The following MICALL2 variants were observed in gnomAD, a reference collection of about 807,000 sequenced individuals.
MICALL2 encodes MICAL-like protein 2.
A neutral mutation model predicts 91.1 loss-of-function variants in MICALL2; 111 were observed. The observed-to-expected ratio is 1.22, with a 90% CI of 1.04 to 1.43. The LOEUF (loss-of-function observed/expected upper bound fraction) is 1.43. Ranked by LOEUF, MICALL2 falls within the 40% of genes most tolerant of loss-of-function variation. The pLI is 0.00. For missense variants in MICALL2, 1,556 were observed against 1,236.0 expected, an observed-to-expected ratio of 1.26 and a Z score of -3.88; for synonymous variants, 694 against 525.3, an observed-to-expected ratio of 1.32 and a Z score of -4.39.
Position 1,444,688 on chromosome 7 carries a change from G to T in MICALL2, c.1382C>A (p.Ser461Ter). Reference sequence around the variant, plus strand: ...CGGAGCGCCAGCCTCTTCCAGCGCTGAGAGGGCCTGCTTGAGGAAGTTCCG... The same window carrying T: ...CGGAGCGCCAGCCTCTTCCAGCGCTTAGAGGGCCTGCTTGAGGAAGTTCCG... Reference protein sequence around the residue: ...QARNFLKQALSALEEAGAPAP... With the variant: ...QARNFLKQAL Residue 461 changes from serine (S) to a stop codon, truncating the protein, a stop_gained, in exon 6 of 17, where the codon TCA becomes TAA. Coordinates refer to ENST00000297508, the MANE Select transcript of MICALL2 (RefSeq NM_182924.4). LOFTEE classifies it high-confidence loss of function. 6.2e-7 allele frequency: 1 copy of T among 1,612,020 alleles called. No individual in the cohort carries two copies.
At chr7:1,450,733 C>T (rs1012649038) in intron 1 of MICALL2, among the ~76,000 whole-genome samples, 5 of 152,222 alleles carry the variant, frequency 3.3e-5, no homozygotes, top group African/African-American at 1.2e-4. Flanking sequence ...GAGAGGCTCC[C>T]AGGGCAGGGG....
chr7:1,449,807 G>T (rs1780754975), intron 2 of MICALL2, among the ~76,000 whole-genome samples: 1 of 152,254 alleles, frequency 6.6e-6, no homozygotes, highest in African/African-American at 2.4e-5. Flanking sequence ...GGAAGCTGGG[G>T]TGAGCAGGGC....
chr7:1,439,841 C>T (rs772892864), intron 9 of MICALL2, 84 bp downstream of exon 9: 7 of 1,224,458 alleles, frequency 5.7e-6, no homozygotes, highest in Non-Finnish European at 7.5e-6. Context: ...GGAGGTGGCA[C>T]TACAGGTCCA....
At chr7:1,450,567 T>C (rs924998552) in intron 1 of MICALL2, 5 of 407,172 alleles carry the variant, frequency 1.2e-5, no homozygotes, top group Admixed American at 1.1e-4. Flanking sequence ...CCTGCCACAG[T>C]CAGAGGTGGC....
Position 1,440,390 on chromosome 7 carries a change from C to T in MICALL2, c.1805+201G>A, listed in dbSNP as rs560510973. On this transcript the variant is annotated intron_variant, in intron 8 of 16. Coordinates refer to ENST00000297508, the MANE Select transcript of MICALL2 (RefSeq NM_182924.4). The stretch of plus-strand genomic sequence containing the variant: ...GAACCCACACGGGTGCTGCCATGCC[C>T]AGGTGAGACACGCAACGCTGCCCCC... 1.9e-5 allele frequency: 12 copies of T among 638,918 alleles called. No individual in the cohort carries two copies. The Admixed American group carries it at 2.1e-4, about 11-fold the overall frequency. The allele number at this position is 638,918 out of a possible 1,614,324, so 39.6% of individuals were successfully genotyped here.
chr7:1,444,519 G>T, intron 6 of MICALL2, 133 bp downstream of exon 6: 1 of 888,082 alleles, frequency 1.1e-6, no homozygotes, highest in Non-Finnish European at 1.7e-6. Flanking sequence ...GAAGGAAACA[G>T]GCTGGGGGAA....
At chr7:1,435,783 G>A (rs144038990) in intron 15 of MICALL2, among the ~76,000 whole-genome samples, 3,596 of 152,308 alleles carry the variant, frequency 0.024, 139 homozygotes, top group African/African-American at 0.077. Flanking sequence ...GGCCGGGCAC[G>A]GTGGCTCACA....
intron 8 of MICALL2, chr7:1,440,338 T>G (rs1406581958): frequency 1.6e-6 from 1 of 619,458 alleles, no homozygotes; most frequent in African/African-American, 1.8e-5. Flanking sequence ...ATGGGGAGAC[T>G]CCACCCCAGC....
Position 1,452,908 on chromosome 7 carries a change from G to C in MICALL2, c.144-2620C>G, listed in dbSNP as rs56827741. ...TGCCCCAAGCTCCTTCCCCAGGGCC[G>C]GCCCTCCAGCCTCCAGACCATGGCT... On this transcript the variant is annotated intron_variant, in intron 1 of 16. Coordinates refer to ENST00000297508, the MANE Select transcript of MICALL2 (RefSeq NM_182924.4). The surrounding 1 kb of genome is among the most constrained non-coding windows in gnomAD (Gnocchi z 6.2). Among the ~76,000 whole-genome samples, 1 of 151,972 alleles carries C rather than the reference G, an allele frequency of 6.6e-6. No individual in the cohort carries two copies. Among genetic ancestry groups the C allele is most frequent in the African/African-American group, 2.4e-5 (1 of 41,362 alleles).
chr7:1,445,431 G>A lies in MICALL2; in HGVS notation c.642-3C>T. 1 of 1,526,554 alleles carries A rather than the reference G, an allele frequency of 6.6e-7. No individual in the cohort carries two copies. Among genetic ancestry groups the A allele is most frequent in the East Asian group, 2.4e-5 (1 of 40,834 alleles). The allele number at this position is 1,526,554 out of a possible 1,614,324, so 94.6% of individuals were successfully genotyped here. A position where few individuals can be genotyped will look rare whatever the true frequency, so the allele number is the denominator to read the frequency against. ...GCGTGCAGGAGCACTGCTTACACCT[G>A]GGGGAGGAAAGGCACAGGAGCCCCA... On this transcript the variant is annotated splice_polypyrimidine_tract_variant and splice_region_variant and intron_variant, in intron 5 of 16. Transcript: ENST00000297508.
intron 13 of MICALL2, 54 bp downstream of exon 13, chr7:1,437,836 C>G: frequency 6.7e-7 from 1 of 1,497,482 alleles, no homozygotes; most frequent in Non-Finnish European, 9.1e-7. Context: ...CTGGCCTGCC[C>G]AGCCCGCAAC....
At chr7:1,438,265 G>C in intron 11 of MICALL2, 24 bp downstream of exon 11, 1 of 1,587,892 alleles carries the variant, frequency 6.3e-7, no homozygotes, top group Non-Finnish European at 8.6e-7. Context: ...CTGGGCCCCT[G>C]CCCGGCTCCC....
At chr7:1,447,863 C>T in intron 3 of MICALL2, 98 bp from the exon 4 acceptor site, 1 of 964,474 alleles carries the variant, frequency 1.0e-6, no homozygotes, top group Non-Finnish European at 1.4e-6. Flanking sequence ...GCCTTGGTGC[C>T]CGGGGGGGAC....
intron 15 of MICALL2, 47 bp from the exon 16 acceptor site, chr7:1,435,194 TGCCCTGGA>T: frequency 6.2e-7 from 1 of 1,604,588 alleles, no homozygotes; most frequent in Non-Finnish European, 8.5e-7. Context: ...AATGGCAAGG[TGCCCTGGA>T]GGGGCCTCCG....
chr7:1,449,276 G>T (rs184367334), intron 2 of MICALL2, among the ~76,000 whole-genome samples: 1 of 152,208 alleles, frequency 6.6e-6, no homozygotes, highest in African/African-American at 2.4e-5. Context: ...AAGTGTGGCC[G>T]GCACACTTGA....
At chr7:1,436,450 A>T (rs1266613563) in intron 15 of MICALL2, among the ~76,000 whole-genome samples, 2 of 149,244 alleles carry the variant, frequency 1.3e-5, no homozygotes, top group Non-Finnish European at 3.0e-5. Flanking sequence ...CTACTCGAGA[A>T]GCTGAGGCAA....
At position 1,434,387 on chromosome 7, in the gene MICALL2, T is replaced by G; in HGVS notation, c.*209A>C. ...GGGGCCATGTGGTCGGTTTCTTTAT[T>G]GAGACCACAGACGGTAGCGCAGGTC... On this transcript the variant is annotated 3_prime_UTR_variant, in exon 17 of 17. Coordinates refer to ENST00000297508, the MANE Select transcript of MICALL2 (RefSeq NM_182924.4). 1.5e-6 allele frequency: 1 copy of G among 681,530 alleles called. No individual in the cohort carries two copies. 42.2% of individuals were successfully genotyped at this position (681,530 alleles called of 1,614,324 possible). A position where few individuals can be genotyped will look rare whatever the true frequency, so the allele number is the denominator to read the frequency against.
At position 1,438,639 on chromosome 7, in the gene MICALL2, C is replaced by A. The variant is rs966516400; in HGVS notation, c.2122+201G>T. The A allele has an allele frequency of 1.8e-5, 25 of 1,422,698 alleles. No homozygotes were observed. In the African/African-American group the frequency reaches 3.3e-4, roughly 19 times the overall value. The allele number at this position is 1,422,698 out of a possible 1,614,324, so 88.1% of individuals were successfully genotyped here. ...CAGACATTCCATCATCACCATGAGT[C>A]TGTAACAAGGTACTCTGAAACAGCT... On this transcript the variant is annotated intron_variant, in intron 10 of 16. Transcript: ENST00000297508.
At position 1,434,399 on chromosome 7, in the gene MICALL2, C is replaced by T. The variant is rs369606924; in HGVS notation, c.*197G>A. ...TCGGTTTCTTTATTGAGACCACAGACGGTAGCGCAGGTCCCTGCTGTCCAC... is the reference window on the plus strand; with the variant it reads ...TCGGTTTCTTTATTGAGACCACAGATGGTAGCGCAGGTCCCTGCTGTCCAC... On this transcript the variant is annotated 3_prime_UTR_variant, in exon 17 of 17. Transcript: ENST00000297508. The T allele has an allele frequency of 1.4e-4, 99 of 690,402 alleles. No homozygotes were observed. Among genetic ancestry groups the T allele is most frequent in the African/African-American group, 9.3e-4 (53 of 57,022 alleles). The allele number at this position is 690,402 out of a possible 1,614,324, so 42.8% of individuals were successfully genotyped here. A position where few individuals can be genotyped will look rare whatever the true frequency, so the allele number is the denominator to read the frequency against.
Sources: gnomAD v4.1 joint callset for allele counts (sites outside exome capture counted in the v4.1 genomes callset) on GRCh38, gnomAD v4.1.1 for gene constraint, Gnocchi (gnomAD v3.1) non-coding constraint, MANE v1.5 for transcripts, NCBI Gene and HGNC (gene_info 2026-07-23, HGNC 2026-07-21) for gene names.